The following NUMA1 variants were observed in gnomAD, a reference collection of about 807,000 sequenced individuals.
NUMA1 encodes SP-H antigen.
NUMA1 carries 62 observed loss-of-function variants against 237.1 expected under a neutral mutation model. That is an observed-to-expected ratio of 0.26 (90% confidence interval 0.21 to 0.32). The LOEUF (loss-of-function observed/expected upper bound fraction) is 0.32, where lower values mean the gene tolerates loss of function less well. Ranked by LOEUF, NUMA1 falls within the 10% of genes least tolerant of loss-of-function variation. The pLI is 1.00. For synonymous variants in NUMA1, 1,028 were observed against 1,066.1 expected (o/e 0.96, Z 0.70); for missense variants, 2,533 against 2,666.5 (o/e 0.95, Z 1.10).
At chr11:72,030,138 C>T (rs1473152568) in intron 3 of NUMA1, among the ~76,000 whole-genome samples, 2 of 151,904 alleles carry the variant, frequency 1.3e-5, no homozygotes, top group Non-Finnish European at 2.9e-5. Context: ...AGTTCAAGAC[C>T]AACCTGGGCA....
intron 12 of NUMA1, 109 bp from the exon 13 acceptor site, chr11:72,017,936 C>T (rs1938110851): frequency 7.5e-7 from 1 of 1,336,360 alleles, no homozygotes; most frequent in South Asian, 1.3e-5. Context: ...ATCCTGCCAA[C>T]CCTCTACAAA....
Position 72,018,808 on chromosome 11 carries a change from G to A in NUMA1, c.742+15C>T. ...CAAGTCTATTCACACATCTGCCAGT[G>A]TGCCAGCCACCTACCCTTCTCGGTG... On this transcript the variant is annotated intron_variant, in intron 10 of 26. Transcript: ENST00000393695. 1 of 1,604,706 alleles carries A rather than the reference G, an allele frequency of 6.2e-7. No homozygotes were observed. The highest frequency in any genetic ancestry group is 2.2e-5 in the East Asian group (1 of 44,830).
intron 1 of NUMA1, among the ~76,000 whole-genome samples, chr11:72,079,425 C>CA (rs1346872683): frequency 1.3e-5 from 2 of 152,070 alleles, no homozygotes; most frequent in Non-Finnish European, 2.9e-5. Context: ...CCTGTAATCC[C>CA]AGCTACTCGG....
intron 2 of NUMA1, among the ~76,000 whole-genome samples, chr11:72,064,957 A>G (rs1463260197): frequency 2.0e-5 from 3 of 152,244 alleles, no homozygotes; most frequent in Admixed American, 1.3e-4. Flanking sequence ...CTCTCCCCAC[A>G]TACTTGTGAG....
At position 72,016,154 on chromosome 11, in the gene NUMA1, A is replaced by C; in HGVS notation, c.1349T>G (p.Leu450Arg). Residue 450 changes from leucine to arginine, a missense_variant, in exon 15 of 27, where the codon CTG becomes CGG. By Grantham distance (102) the Leu-to-Arg change is moderately radical (BLOSUM62 -2). Around this residue, in one of 3 missense-constraint regions of NUMA1, gnomAD observed 1,414 missense variants for 1,508.1 expected, o/e 0.94. Transcript: ENST00000393695. ...ETERGQQEAK[L>R]LAERGHFEEE... ...TTCGAAGTGGCCCCGCTCAGCAAGC[A>C]GCTTGGCTTCCTGCTGGCCTCGCTC... is the stretch of plus-strand genomic sequence containing the variant. 6.2e-7 allele frequency: 1 copy of C among 1,613,966 alleles called. No homozygotes were observed. The highest frequency in any genetic ancestry group is 8.5e-7 in the Non-Finnish European group (1 of 1,179,928).
At chr11:72,032,353 A>C (rs1940454574) in intron 3 of NUMA1, among the ~76,000 whole-genome samples, 3 of 152,188 alleles carry the variant, frequency 2.0e-5, no homozygotes, top group African/African-American at 7.2e-5. Context: ...AAGATTCTGA[A>C]AACTTCAGGC....
intron 3 of NUMA1, among the ~76,000 whole-genome samples, chr11:72,033,376 T>TG (rs1009917738): frequency 7.7e-5 from 11 of 143,174 alleles, no homozygotes; most frequent in African/African-American, 3.1e-4. Flanking sequence ...TTTTTTTTTT[T>TG]TTTTTTTTTT....
chr11:72,022,780 G>A (rs1480447391), intron 6 of NUMA1, among the ~76,000 whole-genome samples: 1 of 151,970 alleles, frequency 6.6e-6, no homozygotes, highest in Non-Finnish European at 1.5e-5. Context: ...AGCCGAATGA[G>A]ACCTGATTTC....
intron 2 of NUMA1, among the ~76,000 whole-genome samples, chr11:72,051,659 TG>T (rs2136035104): frequency 6.6e-6 from 1 of 152,152 alleles, no homozygotes; most frequent in Admixed American, 6.5e-5. Context: ...TTTGTAGAGA[TG>T]GAGTTTTGCC....
chr11:72,032,986 A>C (rs1940519535), intron 3 of NUMA1, among the ~76,000 whole-genome samples: 1 of 152,102 alleles, frequency 6.6e-6, no homozygotes, highest in African/African-American at 2.4e-5. Context: ...TTTTCTAGGT[A>C]ATTTTTTTTA....
At chr11:72,048,466 G>A (rs1942130577) in intron 2 of NUMA1, among the ~76,000 whole-genome samples, 1 of 152,086 alleles carries the variant, frequency 6.6e-6, no homozygotes, top group South Asian at 2.1e-4. Flanking sequence ...CCACCTGCCA[G>A]GTTCAAGCGA....
chr11:72,015,102 T>C lies in NUMA1; in HGVS notation c.2401A>G (p.Ser801Gly). ...TCTTTGACGAGCTGCTCACACTCAC[T>C]CTCAGCTGTGTGCTGGGCAGCCATG... is the stretch of plus-strand genomic sequence containing the variant. ...EAMAAQHTAE[S>G]ECEQLVKEVA... is the part of the protein sequence containing the mutation. The change falls in exon 15 of 27, where the codon AGT (serine) becomes GGT (glycine). Residue 801 changes from serine to glycine, a missense_variant. Transcript: ENST00000393695. This position sits in a 1 kb window ranked among gnomAD's most constrained non-coding sequence, Gnocchi z 4.0. 2 of 1,613,716 alleles carry C rather than the reference T, an allele frequency of 1.2e-6. No individual in the cohort carries two copies. The highest frequency in any genetic ancestry group is 1.3e-5 in the African/African-American group (1 of 75,048).
chr11:72,079,552 A>C (rs1384122614), intron 1 of NUMA1, among the ~76,000 whole-genome samples: 1 of 152,140 alleles, frequency 6.6e-6, no homozygotes, highest in Non-Finnish European at 1.5e-5. Flanking sequence ...AAAAAAAAAA[A>C]AATGACAAGT....
At chr11:72,076,360 C>G (rs933471760) in intron 1 of NUMA1, among the ~76,000 whole-genome samples, 1 of 151,428 alleles carries the variant, frequency 6.6e-6, no homozygotes, top group Admixed American at 6.6e-5. Context: ...GGCAACAAAG[C>G]CAGACAGATC....
intron 7 of NUMA1, among the ~76,000 whole-genome samples, chr11:72,021,972 G>C (rs1303430401): frequency 1.3e-5 from 2 of 149,792 alleles, no homozygotes; most frequent in Non-Finnish European, 3.0e-5. Context: ...CAGAGGAAAG[G>C]ATGAGATAAA....
chr11:72,010,900 G>A (rs747939824), intron 16 of NUMA1, 46 bp from the exon 17 acceptor site: 2 of 1,545,422 alleles, frequency 1.3e-6, no homozygotes, highest in Admixed American at 1.7e-5. Context: ...GACTTCCCCT[G>A]GATGTTCATC....
chr11:72,038,054 A>G lies in NUMA1; in HGVS notation c.-32-2079T>C, dbSNP rs114279973. On this transcript the variant is annotated intron_variant, in intron 2 of 26. Transcript: ENST00000393695. ...CACTCAACTGGGGTTTCTTTAAAAA[A>G]AAGGCCTCTGAGCTATTAAATCACA... is the stretch of plus-strand genomic sequence containing the variant. Among the ~76,000 whole-genome samples, 1,216 of 152,306 alleles carry G rather than the reference A, an allele frequency of 8.0e-3. 11 individuals carry two copies. The highest frequency in any genetic ancestry group is 0.028 in the African/African-American group (1,162 of 41,556).
intron 2 of NUMA1, chr11:72,039,700 G>A (rs73533793): frequency 0.024 from 3,589 of 152,304 alleles, 74 homozygotes; most frequent in East Asian, 0.067. Context: ...CCATCTGTGC[G>A]CCAGTGCTCA....
chr11:72,032,671 T>A (rs1205018499), intron 3 of NUMA1, among the ~76,000 whole-genome samples: 1 of 152,212 alleles, frequency 6.6e-6, no homozygotes, highest in African/African-American at 2.4e-5. Context: ...AGTTCCTTCA[T>A]CTCTAGTCAG....
Sources: gnomAD v4.1 joint callset for allele counts (sites outside exome capture counted in the v4.1 genomes callset) on GRCh38, gnomAD v4.1.1 for gene constraint, gnomAD v4.1.1 regional missense constraint, Gnocchi (gnomAD v3.1) non-coding constraint, MANE v1.5 for transcripts, NCBI Gene and HGNC (gene_info 2026-07-23, HGNC 2026-07-21) for gene names.